The following PLBD1 variants were observed in gnomAD, a reference collection of about 807,000 sequenced individuals.
PLBD1 encodes the protein phospholipase B domain containing 1.
PLBD1 carries 60 observed loss-of-function variants against 63.0 expected under a neutral mutation model. The observed-to-expected ratio is 0.95, with a 90% CI of 0.77 to 1.18. The LOEUF (loss-of-function observed/expected upper bound fraction) is 1.18. Ranked by LOEUF, PLBD1 falls within the 50% of genes most tolerant of loss-of-function variation. The pLI, the probability that PLBD1 is intolerant of heterozygous loss-of-function variation, is 0.00. For synonymous variants in PLBD1, 262 were observed against 248.0 expected, an observed-to-expected ratio of 1.06 and a Z score of -0.53; for missense variants, 598 against 677.9, an observed-to-expected ratio of 0.88 and a Z score of 1.31.
intron 6 of PLBD1, among the ~76,000 whole-genome samples, chr12:14,517,106 C>T (rs1945342703): frequency 6.6e-6 from 1 of 152,090 alleles, no homozygotes; most frequent in Non-Finnish European, 1.5e-5. Flanking sequence ...ACCCACCTGG[C>T]ATGGCAGGAA....
intron 1 of PLBD1, 93 bp downstream of exon 1, chr12:14,567,489 T>C: frequency 1.5e-6 from 2 of 1,376,628 alleles, no homozygotes; most frequent in Middle Eastern, 2.7e-4. Flanking sequence ...AGACGCCCGC[T>C]GGACGTCAAC....
intron 2 of PLBD1, among the ~76,000 whole-genome samples, chr12:14,550,706 C>A (rs964193047): frequency 6.6e-6 from 1 of 151,988 alleles, no homozygotes; most frequent in Non-Finnish European, 1.5e-5. Flanking sequence ...TGGGGAAACC[C>A]CGTCTCTACT....
chr12:14,511,557 T>G lies in PLBD1; in HGVS notation c.999A>C (p.Ala333=). ...TGTCTGCCCACCTCTTGCCACTATCTGCCATCATATTGGCCACACGGACTC... is the reference window on the plus strand; with the variant it reads ...TGTCTGCCCACCTCTTGCCACTATCGGCCATCATATTGGCCACACGGACTC... ...WQRVRVANMM[A]DSGKRWADIF... The change falls in exon 7 of 11, where the codon GCA becomes GCC. Residue 333 remains alanine (A), a synonymous_variant. Transcript: ENST00000240617. The G allele has an allele frequency of 5.0e-6, 8 of 1,614,244 alleles. No individual in the cohort carries two copies. The highest frequency in any genetic ancestry group is 6.8e-6 in the Non-Finnish European group (8 of 1,180,030).
At chr12:14,553,097 T>G (rs1945672713) in intron 2 of PLBD1, 96 bp downstream of exon 2, 5 of 1,120,156 alleles carry the variant, frequency 4.5e-6, no homozygotes, top group Non-Finnish European at 6.6e-6. Context: ...TACTCTTCAG[T>G]TCTAATGTGC....
rs758313038 is a variant in PLBD1, at chr12:14,506,940, T to A, written c.1365A>T (p.Arg455=). 1.2e-6 allele frequency: 2 copies of A among 1,613,968 alleles called. No homozygotes were observed. Among genetic ancestry groups the A allele is most frequent in the Non-Finnish European group, 8.5e-7 (1 of 1,179,874 alleles). Residue 455 remains arginine (R), a synonymous_variant, in exon 9 of 11, where the codon CGA becomes CGT. Coordinates refer to ENST00000240617, the MANE Select transcript of PLBD1 (RefSeq NM_024829.6). The stretch of plus-strand genomic sequence containing the variant: ...GAGAAATATGCTACGTACTGTTGTA[T>A]CGCATGATATATTTCATGGATGCCG... The part of the protein sequence containing the change: ...TDTASMKYIM[R]YNNYKKDPYS...
intron 10 of PLBD1, among the ~76,000 whole-genome samples, chr12:14,505,545 A>G (rs900117265): frequency 6.6e-6 from 1 of 152,242 alleles, no homozygotes; most frequent in Non-Finnish European, 1.5e-5. Context: ...GTTTGAAGCC[A>G]TCAACACGTC....
intron 6 of PLBD1, chr12:14,533,367 T>C (rs1239651421): frequency 6.6e-6 from 1 of 152,248 alleles, no homozygotes; most frequent in African/African-American, 2.4e-5. Flanking sequence ...TATAAAACTG[T>C]CTGTTGCTCT....
intron 6 of PLBD1, among the ~76,000 whole-genome samples, chr12:14,526,752 C>T (rs1253570100): frequency 6.6e-6 from 1 of 152,166 alleles, no homozygotes; most frequent in African/African-American, 2.4e-5. Flanking sequence ...GCAGGCAGAT[C>T]ACCTGAGGTC....
chr12:14,567,518 C>G (rs1945800796), intron 1 of PLBD1, 64 bp downstream of exon 1: 1 of 1,413,066 alleles, frequency 7.1e-7, no homozygotes, highest in Non-Finnish European at 9.1e-7. Flanking sequence ...ACGCGGGGCA[C>G]GGGCGCTAAC....
chr12:14,506,201 G>A lies in PLBD1; in HGVS notation c.1440C>T (p.Asn480=). 2 of 1,613,112 alleles carry A rather than the reference G, an allele frequency of 1.2e-6. No homozygotes were observed. The highest frequency in any genetic ancestry group is 1.1e-5 in the South Asian group (1 of 90,906). Residue 480 remains asparagine, a synonymous_variant, in exon 10 of 11, where the codon AAC becomes AAT. Transcript: ENST00000240617. The part of the protein sequence containing the change: ...CNTICCREDL[N]SPNPSPGGCY... ...AACCTCCAGGACTTGGGTTAGGTGAGTTCAGGTCCTCACGGCAGCAGATGG... is the reference window on the plus strand; with the variant it reads ...AACCTCCAGGACTTGGGTTAGGTGAATTCAGGTCCTCACGGCAGCAGATGG...
chr12:14,540,883 G>A lies in PLBD1; in HGVS notation c.439C>T (p.Arg147Trp), dbSNP rs1236113286. The change falls in exon 4 of 11, where the codon CGG becomes TGG. Residue 147 changes from arginine (R) to tryptophan (W), a missense_variant. Arg to Trp is a moderately radical substitution (Grantham distance 101). Coordinates refer to ENST00000240617, the MANE Select transcript of PLBD1 (RefSeq NM_024829.6). ...DFMEKQDKWT[R>W]KNIKEYKTDS... is the part of the protein sequence containing the mutation. ...GTCTTGTATTCTTTGATATTTTTCC[G>A]GGTCCACTTATCTTGCTTCCTGGAA... is the stretch of plus-strand genomic sequence containing the variant. 20 of 1,596,724 alleles carry A rather than the reference G, an allele frequency of 1.3e-5. No homozygotes were observed. The highest frequency in any genetic ancestry group is 2.7e-5 in the African/African-American group (2 of 74,566).
At position 14,507,018 on chromosome 12, in the gene PLBD1, A is replaced by C; in HGVS notation, c.1287T>G (p.Asp429Glu). ...VQKLGLDYSYDLAPRAKIFRR... is the reference protein window; with the variant it reads ...VQKLGLDYSYELAPRAKIFRR... ...GGAAAATTTTGGCTCGTGGAGCTAA[A>C]TCATAAGAGTAGTCCAAGCCCAGCT... Residue 429 changes from aspartate to glutamate, a missense_variant, in exon 9 of 11, where the codon GAT becomes GAG. Asp to Glu is a conservative substitution (Grantham distance 45). Coordinates refer to ENST00000240617, the MANE Select transcript of PLBD1 (RefSeq NM_024829.6). 1 of 1,614,100 alleles carries C rather than the reference A, an allele frequency of 6.2e-7. No individual in the cohort carries two copies.
At chr12:14,513,936 C>T (rs1361501146) in intron 6 of PLBD1, among the ~76,000 whole-genome samples, 3 of 152,080 alleles carry the variant, frequency 2.0e-5, no homozygotes, top group Non-Finnish European at 2.9e-5. Context: ...CCCGCCACCA[C>T]GCCCTGCTAA....
intron 9 of PLBD1, 152 bp from the exon 10 acceptor site, chr12:14,506,420 C>A (rs1945256799): frequency 1.7e-6 from 1 of 599,548 alleles, no homozygotes; most frequent in South Asian, 2.3e-5. Flanking sequence ...ATAGAGACAT[C>A]TCCCTTGGCT....
chr12:14,538,186 ATTATTTAT>A (rs1277260557), intron 4 of PLBD1, among the ~76,000 whole-genome samples: 2 of 151,002 alleles, frequency 1.3e-5, no homozygotes, highest in African/African-American at 4.9e-5. Flanking sequence ...TTTTTTAATT[ATTATTTAT>A]TTATTTATTT....
At position 14,503,847 on chromosome 12, in the gene PLBD1, TAG is replaced by T. The variant is rs760167928; in HGVS notation, c.1585_1586del (p.Leu529ThrfsTer11). 5.0e-6 allele frequency: 8 copies of T among 1,613,722 alleles called. No homozygotes were observed. In the Admixed American group the frequency reaches 5.0e-5, roughly 10 times the overall value. On this transcript the variant is annotated frameshift_variant, in exon 11 of 11. Transcript: ENST00000240617. LOFTEE classifies it high-confidence loss of function. The part of the protein sequence containing the change: ...VFRWDRFNKT[L>X]HQGMPEVYNF... ...TGTAGACCTCTGGCATGCCCTGATG[TAG>T]AGTTTTGTTGAAACGGTCCCAGCGA...
intron 2 of PLBD1, among the ~76,000 whole-genome samples, chr12:14,550,622 G>A (rs577232398): frequency 1.5e-4 from 23 of 152,266 alleles, no homozygotes; most frequent in Middle Eastern, 3.4e-3. Flanking sequence ...GCTCACGCCT[G>A]TAACCCCAGC....
chr12:14,536,860 G>A (rs1005174423), intron 4 of PLBD1, 150 bp from the exon 5 acceptor site: 45 of 987,006 alleles, frequency 4.6e-5, no homozygotes, highest in Middle Eastern at 6.8e-4. Context: ...AGGCCAACGC[G>A]GGTGGATCTC....
chr12:14,510,121 G>T (rs1156301332), intron 8 of PLBD1, among the ~76,000 whole-genome samples: 4 of 152,150 alleles, frequency 2.6e-5, no homozygotes, highest in Non-Finnish European at 5.9e-5. Context: ...AGGAAATAAA[G>T]ACAATTTAAA....
Sources: gnomAD v4.1 joint callset for allele counts (sites outside exome capture counted in the v4.1 genomes callset) on GRCh38, gnomAD v4.1.1 for gene constraint, MANE v1.5 for transcripts, NCBI Gene and HGNC (gene_info 2026-07-23, HGNC 2026-07-21) for gene names.